SLC2A13: variants seen among roughly 807,000 people sequenced by gnomAD.
SLC2A13 encodes proton myo-inositol cotransporter.
SLC2A13 carries 32 observed loss-of-function variants against 64.4 expected under a neutral mutation model. The observed-to-expected ratio is 0.50, with a 90% CI of 0.37 to 0.67. SLC2A13 has a LOEUF of 0.67. SLC2A13 is among the 30% of genes least tolerant of loss of function. The probability of loss-of-function intolerance (pLI) is 0.00; values close to 1 mark genes in which losing one functional copy is unlikely to be tolerated. For synonymous variants in SLC2A13, 338 were observed against 327.1 expected (o/e 1.03, Z -0.36); for missense variants, 743 against 829.2 (o/e 0.90, Z 1.28).
intron 4 of SLC2A13, among the ~76,000 whole-genome samples, chr12:39,944,114 A>G (rs979726291): frequency 3.9e-5 from 6 of 152,354 alleles, no homozygotes; most frequent in South Asian, 2.1e-4. Flanking sequence ...ACGCTCATTC[A>G]GGAGCAGGTT....
At chr12:39,839,684 T>C (rs931675555) in intron 6 of SLC2A13, among the ~76,000 whole-genome samples, 2 of 152,062 alleles carry the variant, frequency 1.3e-5, no homozygotes. Context: ...TTGCTTCTGT[T>C]CTGGGCCATC....
intron 6 of SLC2A13, among the ~76,000 whole-genome samples, chr12:39,848,817 T>A (rs752487085): frequency 6.6e-6 from 1 of 152,152 alleles, no homozygotes; most frequent in Non-Finnish European, 1.5e-5. Flanking sequence ...GTGGTACATA[T>A]ACACCAGGGA....
chr12:39,852,466 G>A (rs1014869055), intron 6 of SLC2A13, among the ~76,000 whole-genome samples: 3 of 152,194 alleles, frequency 2.0e-5, no homozygotes, highest in Non-Finnish European at 4.4e-5. Context: ...ATTGCTTAGA[G>A]AATAAAGAGG....
At chr12:40,099,273 T>C (rs1157391130) in intron 1 of SLC2A13, among the ~76,000 whole-genome samples, 1 of 152,160 alleles carries the variant, frequency 6.6e-6, no homozygotes. Flanking sequence ...ATAAGAAGTG[T>C]TGCTACTATT....
At chr12:39,826,854 ATTT>A (rs63699664) in intron 7 of SLC2A13, among the ~76,000 whole-genome samples, 10 of 67,394 alleles carry the variant, frequency 1.5e-4, no homozygotes, top group Admixed American at 6.8e-4. Flanking sequence ...GTCTCTTTCA[ATTT>A]TTTTTTTTTT....
intron 2 of SLC2A13, among the ~76,000 whole-genome samples, chr12:40,046,006 G>C (rs903846631): frequency 6.6e-6 from 1 of 152,184 alleles, no homozygotes; most frequent in African/African-American, 2.4e-5. Context: ...AACATCGATA[G>C]TAGCATCCAT....
At chr12:40,038,925 G>A (rs943703627) in intron 2 of SLC2A13, among the ~76,000 whole-genome samples, 9 of 132,108 alleles carry the variant, frequency 6.8e-5, no homozygotes, top group African/African-American at 1.5e-4. Flanking sequence ...TTGTTCTATC[G>A]TTGTTAAAAA....
At chr12:39,898,412 T>C (rs1944985127) in intron 4 of SLC2A13, among the ~76,000 whole-genome samples, 6 of 152,154 alleles carry the variant, frequency 3.9e-5, no homozygotes, top group Admixed American at 3.9e-4. Context: ...TTGATTTACC[T>C]GTAAAGTAAA....
chr12:39,881,878 C>A (rs1289269130), intron 4 of SLC2A13, among the ~76,000 whole-genome samples: 1 of 151,984 alleles, frequency 6.6e-6, no homozygotes, highest in Non-Finnish European at 1.5e-5. Context: ...ACTGGCCTCA[C>A]AAGTTTCTTC....
chr12:39,947,653 A>G (rs2136095747), intron 4 of SLC2A13, among the ~76,000 whole-genome samples: 1 of 150,712 alleles, frequency 6.6e-6, no homozygotes, highest in South Asian at 2.1e-4. Flanking sequence ...TCACAGTGAG[A>G]ATTTCTTTTT....
chr12:39,941,623 T>C (rs1592303244), intron 4 of SLC2A13, among the ~76,000 whole-genome samples: 1 of 152,234 alleles, frequency 6.6e-6, no homozygotes, highest in East Asian at 1.9e-4. Context: ...GGATTGTTTT[T>C]TTCTTACTGA....
intron 1 of SLC2A13, among the ~76,000 whole-genome samples, chr12:40,050,190 C>G (rs1948232525): frequency 1.3e-5 from 2 of 152,132 alleles, no homozygotes; most frequent in African/African-American, 4.8e-5. Context: ...TTTCATAATT[C>G]AAACAATAAT....
At chr12:39,894,973 A>C (rs1480215484) in intron 4 of SLC2A13, among the ~76,000 whole-genome samples, 1 of 152,216 alleles carries the variant, frequency 6.6e-6, no homozygotes, top group African/African-American at 2.4e-5. Context: ...GTGCTTAAGA[A>C]GCATCATGGA....
chr12:40,100,803 A>AG (rs1327769714), intron 1 of SLC2A13, among the ~76,000 whole-genome samples: 1 of 151,920 alleles, frequency 6.6e-6, no homozygotes, highest in Non-Finnish European at 1.5e-5. Flanking sequence ...GTCTCTACCA[A>AG]AAATACAAAA....
At chr12:40,002,296 G>T (rs1162622515) in intron 3 of SLC2A13, among the ~76,000 whole-genome samples, 1 of 152,050 alleles carries the variant, frequency 6.6e-6, no homozygotes, top group Non-Finnish European at 1.5e-5. Flanking sequence ...AGACAATAGT[G>T]AAGTTAAGTA....
chr12:39,929,466 G>T (rs1410696210), intron 4 of SLC2A13, among the ~76,000 whole-genome samples: 1 of 151,716 alleles, frequency 6.6e-6, no homozygotes. Context: ...CAGGAGAATC[G>T]CTTGAACCCG....
intron 4 of SLC2A13, among the ~76,000 whole-genome samples, chr12:39,924,584 A>G (rs1279900693): frequency 6.6e-6 from 1 of 152,124 alleles, no homozygotes; most frequent in African/African-American, 2.4e-5. Flanking sequence ...TCTACTATTT[A>G]TCTACTATAA....
chr12:39,843,455 G>T (rs1943227133), intron 6 of SLC2A13, among the ~76,000 whole-genome samples: 2 of 151,932 alleles, frequency 1.3e-5, no homozygotes, highest in Admixed American at 6.6e-5. Context: ...GGGAATCTTG[G>T]CCCCAAATAA....
At chr12:40,074,813 G>C (rs1162229008) in intron 1 of SLC2A13, among the ~76,000 whole-genome samples, 15 of 152,166 alleles carry the variant, frequency 9.9e-5, no homozygotes. Context: ...GTAGGAGAAG[G>C]AGAAACACTC....
Sources: allele counts gnomAD v4.1 joint callset (sites outside exome capture counted in the v4.1 genomes callset), GRCh38; gene constraint gnomAD v4.1.1; transcripts MANE v1.5; gene names NCBI Gene and HGNC (gene_info 2026-07-23, HGNC 2026-07-21).